FANCG: variants seen among roughly 807,000 people sequenced by gnomAD.
FANCG encodes the protein FA complementation group G.
Under a neutral mutation model 73.3 loss-of-function variants are expected in FANCG, and 67 were observed. That is an observed-to-expected ratio of 0.91 (90% CI 0.75 to 1.12). FANCG has a LOEUF of 1.12. Among genes scored for constraint, FANCG ranks in the 50% most tolerant of loss-of-function variants. The probability of loss-of-function intolerance (pLI) is 0.00; values close to 1 mark genes in which losing one functional copy is unlikely to be tolerated. For synonymous variants in FANCG, 297 were observed against 311.6 expected (o/e 0.95, Z 0.49); for missense variants, 643 against 735.6 (o/e 0.87, Z 1.46).
In FANCG at chr9:35,079,821, G is replaced by C. The variant is rs1198223066; in HGVS notation, c.-297C>G. On this transcript the variant is annotated 5_prime_UTR_variant, in exon 1 of 14. Transcript: ENST00000378643. ...CCCGCGGGAAACTCGGGGAGGAAACGAGTCAGCAACCCCAAACAGGCTTAG... is the reference window on the plus strand; with the variant it reads ...CCCGCGGGAAACTCGGGGAGGAAACCAGTCAGCAACCCCAAACAGGCTTAG... 4.1e-6 allele frequency: 2 copies of C among 493,290 alleles called. No individual in the cohort carries two copies. The highest frequency in any genetic ancestry group is 7.5e-6 in the Non-Finnish European group (2 of 267,566). 30.6% of individuals were successfully genotyped at this position (493,290 alleles called of 1,614,324 possible).
rs1482725470 is a variant in FANCG, at chr9:35,073,948, T to G, written c.*160A>C. The G allele has an allele frequency of 2.9e-6, 2 of 694,282 alleles. No individual in the cohort carries two copies. The highest frequency in any genetic ancestry group is 5.2e-6 in the Non-Finnish European group (2 of 381,276). 43.0% of individuals were successfully genotyped at this position (694,282 alleles called of 1,614,324 possible). On this transcript the variant is annotated 3_prime_UTR_variant, in exon 14 of 14. Transcript: ENST00000378643. Reference sequence around the variant, plus strand: ...GAGATTGTTTCCTCCAAAACGAGAATGGTAGTAACTAGGGCAAATTTCACA... The same window carrying G: ...GAGATTGTTTCCTCCAAAACGAGAAGGGTAGTAACTAGGGCAAATTTCACA...
chr9:35,077,214 T>A (rs752074008), intron 5 of FANCG, 50 bp downstream of exon 5: 1 of 1,613,954 alleles, frequency 6.2e-7, no homozygotes, highest in South Asian at 1.1e-5. Flanking sequence ...AGGGCATGAG[T>A]CTGGAGGACC....
In FANCG at chr9:35,074,855, C is replaced by T; in HGVS notation, c.1636+72G>A. On this transcript the variant is annotated intron_variant, in intron 12 of 13. Transcript: ENST00000378643. The stretch of plus-strand genomic sequence containing the variant: ...TGAGAACACCACTCTTACACTTACG[C>T]CCAAGTATTTCCCATGGGCCTCTCT... 5 of 1,588,742 alleles carry T rather than the reference C, an allele frequency of 3.1e-6. No homozygotes were observed. The African/African-American group carries it at 6.7e-5, about 21-fold the overall frequency.
At chr9:35,078,372 C>T (rs759145635) in intron 3 of FANCG, 29 bp from the exon 4 acceptor site, 2 of 1,605,630 alleles carry the variant, frequency 1.2e-6, no homozygotes, top group South Asian at 2.2e-5. Context: ...CACATAGACA[C>T]ACACACAGCT....
chr9:35,076,187 A>C, intron 8 of FANCG, 159 bp from the exon 9 acceptor site: 2 of 839,274 alleles, frequency 2.4e-6, no homozygotes, highest in South Asian at 2.8e-5. Context: ...CTCAGTATGG[A>C]TCTACCCCAG....
chr9:35,077,330 G>C lies in FANCG; in HGVS notation c.580C>G (p.Pro194Ala), dbSNP rs1554670412. 4 of 1,614,012 alleles carry C rather than the reference G, an allele frequency of 2.5e-6. No homozygotes were observed. The highest frequency in any genetic ancestry group is 3.4e-6 in the Non-Finnish European group (4 of 1,180,014). ...WSPPAEELDA[P>A]LTLQDAQGLK... is the part of the protein sequence containing the mutation. ...CCCTGGGCATCCTGCAGGGTCAATG[G>C]AGCATCTAATTCCTCAGCTGGGGGA... Residue 194 changes from proline to alanine, a missense_variant, in exon 5 of 14, where the codon CCA (proline) becomes GCA (alanine). Coordinates refer to ENST00000378643, the MANE Select transcript of FANCG (RefSeq NM_004629.2).
In FANCG at chr9:35,079,490, C is replaced by A. The variant is rs780510460; in HGVS notation, c.35G>T (p.Cys12Phe). 1.2e-6 allele frequency: 2 copies of A among 1,614,176 alleles called. No individual in the cohort carries two copies. Among genetic ancestry groups the A allele is most frequent in the Non-Finnish European group, 1.7e-6 (2 of 1,180,046 alleles). Residue 12 changes from cysteine to phenylalanine, a missense_variant, in exon 1 of 14, where the codon TGC becomes TTC. By Grantham distance (205) the Cys-to-Phe change is radical (BLOSUM62 -2). Transcript: ENST00000378643. ...SRQTTSVGSS[C>F]LDLWREKNDR... The stretch of plus-strand genomic sequence containing the variant: ...ATTCTTTTCCCTCCACAGGTCCAGG[C>A]AGCTGGAGCCCACAGAGGTGGTCTG...
chr9:35,074,294 TCAC>T (rs1829038029), intron 13 of FANCG, 74 bp downstream of exon 13: 1 of 1,613,388 alleles, frequency 6.2e-7, no homozygotes, highest in Non-Finnish European at 8.5e-7. Flanking sequence ...CTTTCAGTGT[TCAC>T]CACCCACAAT....
Position 35,074,082 on chromosome 9 carries a change from A to G in FANCG, c.*26T>C. On this transcript the variant is annotated 3_prime_UTR_variant, in exon 14 of 14. Coordinates refer to ENST00000378643, the MANE Select transcript of FANCG (RefSeq NM_004629.2). Reference sequence around the variant, plus strand: ...CAGAGAGACAGCCCACTGGGGACCCAGCTCAAGCTCTTCAAAACGTGGCAG... The same window carrying G: ...CAGAGAGACAGCCCACTGGGGACCCGGCTCAAGCTCTTCAAAACGTGGCAG... 6.4e-7 allele frequency: 1 copy of G among 1,573,440 alleles called. No individual in the cohort carries two copies. The highest frequency in any genetic ancestry group is 1.1e-5 in the South Asian group (1 of 90,168).
Position 35,075,544 on chromosome 9 carries a change from C to A in FANCG, c.1354G>T (p.Val452Phe). 6.2e-7 allele frequency: 1 copy of A among 1,614,148 alleles called. No individual in the cohort carries two copies. The highest frequency in any genetic ancestry group is 8.5e-7 in the Non-Finnish European group (1 of 1,180,024). Residue 452 changes from valine to phenylalanine, a missense_variant, in exon 10 of 14, where the codon GTC (valine) becomes TTC (phenylalanine). Physicochemically the swap from Val to Phe is conservative, Grantham distance 50 (BLOSUM62 -1). Coordinates refer to ENST00000378643, the MANE Select transcript of FANCG (RefSeq NM_004629.2). The part of the protein sequence containing the change: ...TKELPYCPLW[V>F]SATHLLQGQA... ...CCCTGAAGCAGGTGGGTGGCAGAGA[C>A]CCAGAGTGGGCAGTATGGCAGTTCC...
Position 35,076,826 on chromosome 9 carries a change from T to G in FANCG, c.822A>C (p.Lys274Asn). 4 of 1,614,158 alleles carry G rather than the reference T, an allele frequency of 2.5e-6. No homozygotes were observed. The highest frequency in any genetic ancestry group is 3.4e-6 in the Non-Finnish European group (4 of 1,180,020). Reference sequence around the variant, plus strand: ...GTGGAGGACCCCAGGCTGATCCCTCTTTCAGGGCTGCAACCAAGTACAACA... The same window carrying G: ...GTGGAGGACCCCAGGCTGATCCCTCGTTCAGGGCTGCAACCAAGTACAACA... The part of the protein sequence containing the change: ...RALLYLVAAL[K>N]EGSAWGPPLL... The change falls in exon 7 of 14, where the codon AAA becomes AAC. Residue 274 changes from lysine to asparagine, a missense_variant. By Grantham distance (94) the Lys-to-Asn change is moderately conservative (BLOSUM62 0). Coordinates refer to ENST00000378643, the MANE Select transcript of FANCG (RefSeq NM_004629.2).
chr9:35,075,147 C>A (rs62544157), intron 11 of FANCG, 65 bp from the exon 12 acceptor site: 3 of 1,610,918 alleles, frequency 1.9e-6, no homozygotes, highest in Non-Finnish European at 2.5e-6. Flanking sequence ...ACCCCAAATC[C>A]TCCTCTATTT....
chr9:35,076,192 C>T, intron 8 of FANCG, 164 bp from the exon 9 acceptor site: 1 of 824,516 alleles, frequency 1.2e-6, no homozygotes, highest in Non-Finnish European at 2.1e-6. Context: ...TATGGATCTA[C>T]CCCAGTTACA....
At chr9:35,076,703 C>A in intron 7 of FANCG, 21 bp downstream of exon 7, 1 of 1,614,226 alleles carries the variant, frequency 6.2e-7, no homozygotes, top group Non-Finnish European at 8.5e-7. Flanking sequence ...CACCCCACAT[C>A]TTCACCTGGC....
In FANCG at chr9:35,075,265, A is replaced by C; in HGVS notation, c.1480+14T>G. 6.2e-7 allele frequency: 1 copy of C among 1,613,978 alleles called. No individual in the cohort carries two copies. The highest frequency in any genetic ancestry group is 8.5e-7 in the Non-Finnish European group (1 of 1,180,000). On this transcript the variant is annotated intron_variant, in intron 11 of 13. Transcript: ENST00000378643. Reference sequence around the variant, plus strand: ...CTTCCAGGAGGTAAGAGGAAAACTGAAAGTTTAGATCACCTTGTTCTTTTT... The same window carrying C: ...CTTCCAGGAGGTAAGAGGAAAACTGCAAGTTTAGATCACCTTGTTCTTTTT...
Position 35,076,854 on chromosome 9 carries a change from G to A in FANCG, c.794C>T (p.Ala265Val), listed in dbSNP as rs764992007. The A allele has an allele frequency of 8.4e-5, 136 of 1,614,088 alleles. No homozygotes were observed. In the Admixed American group the frequency reaches 1.0e-3, roughly 12 times the overall value. Residue 265 changes from alanine (A) to valine (V), a missense_variant, in exon 7 of 14, where the codon GCA becomes GTA. Ala to Val is a moderately conservative substitution (Grantham distance 64). Transcript: ENST00000378643. ...CAGGGCTGCAACCAAGTACAACAGT[G>A]CTCTCTGTGGATTTCCCTAAAGGGA... ...CHRKMGNPQR[A>V]LLYLVAALKE...
chr9:35,074,765 G>T, intron 12 of FANCG, 162 bp downstream of exon 12: 1 of 964,998 alleles, frequency 1.0e-6, no homozygotes, highest in Non-Finnish European at 1.6e-6. Flanking sequence ...TACACACTGT[G>T]TATATTTGAA....
chr9:35,078,760 C>T, intron 2 of FANCG, 24 bp from the exon 3 acceptor site: 1 of 1,614,082 alleles, frequency 6.2e-7, no homozygotes, highest in Non-Finnish European at 8.5e-7. Flanking sequence ...GTTGGTCTTA[C>T]AGACTGCTCC....
rs1176204491 is a variant in FANCG at position 35,076,554 on chromosome 9, G to A, written c.954C>T (p.Ala318=). ...ATTCTACCTCAATGAGAAACTGCGG[G>A]GCTTTGGAACTGCATGGGACATTCA... is the stretch of plus-strand genomic sequence containing the variant. ...EALNVPCSSK[A]PQFLIEVELL... The change falls in exon 8 of 14, where the codon GCC becomes GCT. Residue 318 remains alanine, a synonymous_variant. Coordinates refer to ENST00000378643, the MANE Select transcript of FANCG (RefSeq NM_004629.2). 4 of 1,614,150 alleles carry A rather than the reference G, an allele frequency of 2.5e-6. No individual in the cohort carries two copies. In the East Asian group the frequency reaches 8.9e-5, roughly 36 times the overall value.
Sources: allele counts gnomAD v4.1 joint callset, GRCh38; gene constraint gnomAD v4.1.1; transcripts MANE v1.5; gene names NCBI Gene and HGNC (gene_info 2026-07-23, HGNC 2026-07-21).